Variants in IMPDH1 observed in about 807,000 individuals in gnomAD.
IMPDH1 encodes the protein inosine monophosphate dehydrogenase 1, also known as inosine-5'-monophosphate dehydrogenase 1.
In IMPDH1, 41 loss-of-function variants were observed where a neutral mutation model predicts 73.5. The observed-to-expected ratio is 0.56, with a 90% CI of 0.43 to 0.72. The LOEUF is 0.72. IMPDH1 is among the 30% of genes least tolerant of loss of function. IMPDH1 has a pLI of 0.00. For synonymous variants in IMPDH1, 318 were observed against 334.3 expected, an observed-to-expected ratio of 0.95 and a Z score of 0.53; for missense variants, 645 against 824.8, an observed-to-expected ratio of 0.78 and a Z score of 2.67.
Position 128,394,800 on chromosome 7 carries a change from C to G in IMPDH1, c.1550+89G>C. ...AGTTTCCAGAACCACCATATGGGGACTGGCTGCCATCTGGGGAAGTCGGTG... is the reference window on the plus strand; with the variant it reads ...AGTTTCCAGAACCACCATATGGGGAGTGGCTGCCATCTGGGGAAGTCGGTG... On this transcript the variant is annotated intron_variant, in intron 14 of 16. Coordinates refer to ENST00000338791, the MANE Select transcript of IMPDH1 (RefSeq NM_000883.4). This position sits in a 1 kb window ranked among gnomAD's most constrained non-coding sequence, Gnocchi z 5.5. 6.5e-7 allele frequency: 1 copy of G among 1,529,732 alleles called. No homozygotes were observed. The highest frequency in any genetic ancestry group is 9.0e-7 in the Non-Finnish European group (1 of 1,111,764). 94.8% of individuals were successfully genotyped at this position (1,529,732 alleles called of 1,614,324 possible). A position where few individuals can be genotyped will look rare whatever the true frequency, so the allele number is the denominator to read the frequency against.
intron 12 of IMPDH1, among the ~76,000 whole-genome samples, chr7:128,395,931 CT>C (rs1479174483): frequency 6.6e-6 from 1 of 152,214 alleles, no homozygotes; most frequent in Non-Finnish European, 1.5e-5. Context: ...AGCAGAGGCT[CT>C]GAGGACCAAA....
In IMPDH1 at chr7:128,405,762, C is replaced by T; in HGVS notation, c.353+5G>A. 2 of 1,536,102 alleles carry T rather than the reference C, an allele frequency of 1.3e-6. No individual in the cohort carries two copies. Among genetic ancestry groups the T allele is most frequent in the Non-Finnish European group, 1.8e-6 (2 of 1,142,114 alleles). On this transcript the variant is annotated splice_donor_5th_base_variant and intron_variant, in intron 4 of 16. Transcript: ENST00000338791. ...GCACCTAGGGGTACGAGACCCGGCG[C>T]TTACTTGTAGGTGAGGCCGTCGGCG...
intron 16 of IMPDH1, chr7:128,393,591 G>A (rs898511400): frequency 1.0e-5 from 2 of 195,628 alleles, no homozygotes; most frequent in Admixed American, 1.1e-4. Flanking sequence ...CAAACCCAGG[G>A]TCCACATCTC....
At position 128,406,436 on chromosome 7, in the gene IMPDH1, C is replaced by T. The variant is rs1471769913; in HGVS notation, c.255-571G>A. Among the ~76,000 whole-genome samples the T allele has an allele frequency of 2.6e-5, 4 of 151,690 alleles. No homozygotes were observed. The South Asian group carries it at 8.3e-4, about 32-fold the overall frequency. ...CTCTTCCGCGGACCCTGATCAAGGC[C>T]CGGAGCCCTGAGAAACCGGTCTGGG... On this transcript the variant is annotated intron_variant, in intron 3 of 16. Transcript: ENST00000338791.
Position 128,394,164 on chromosome 7 carries a change from C to T in IMPDH1, c.1778+114G>A, listed in dbSNP as rs1343145454. On this transcript the variant is annotated intron_variant, in intron 16 of 16. Coordinates refer to ENST00000338791, the MANE Select transcript of IMPDH1 (RefSeq NM_000883.4). This position sits in a 1 kb window ranked among gnomAD's most constrained non-coding sequence, Gnocchi z 5.5. The stretch of plus-strand genomic sequence containing the variant: ...GGGGCCATCCTGCAGCAGCATCTGT[C>T]CCTGCTGCAGGTGGTCCATGGGGTC... 1 of 821,880 alleles carries T rather than the reference C, an allele frequency of 1.2e-6. No individual in the cohort carries two copies. Among genetic ancestry groups the T allele is most frequent in the African/African-American group, 1.7e-5 (1 of 59,582 alleles). 50.9% of individuals were successfully genotyped at this position (821,880 alleles called of 1,614,324 possible).
intron 16 of IMPDH1, among the ~76,000 whole-genome samples, chr7:128,393,381 G>A (rs1016975122): frequency 2.0e-5 from 3 of 152,204 alleles, no homozygotes; most frequent in Non-Finnish European, 4.4e-5. Flanking sequence ...TGCTGCCCAT[G>A]TCCGCACCCA....
chr7:128,406,267 C>A (rs1584753794), intron 3 of IMPDH1, among the ~76,000 whole-genome samples: 1 of 446 alleles, frequency 2.2e-3, no homozygotes, highest in Non-Finnish European at 6.3e-3. Flanking sequence ...CCACCCAGGA[C>A]CCCCCAGCAG....
rs772658713 is a variant in IMPDH1 at position 128,403,784 on chromosome 7, G to A, written c.354-30C>T. ...GAAGACAGAGAAGTGAGTGTTATTA[G>A]TGGGGAGGGGTGCCCCAAAGGGGCA... On this transcript the variant is annotated intron_variant, in intron 4 of 16. Transcript: ENST00000338791. 6 of 1,604,984 alleles carry A rather than the reference G, an allele frequency of 3.7e-6. No individual in the cohort carries two copies. The South Asian group carries it at 6.6e-5, about 18-fold the overall frequency.
Position 128,401,097 on chromosome 7 carries a change from GT to G in IMPDH1, c.421del (p.Thr141ProfsTer6). 1 of 1,613,800 alleles carries G rather than the reference GT, an allele frequency of 6.2e-7. No individual in the cohort carries two copies. The highest frequency in any genetic ancestry group is 8.5e-7 in the Non-Finnish European group (1 of 1,179,970). ...TGGCGTCTTCAGCGTGATCTTCCGG[GT>G]CAGGGCTGAGGTCAGGTCCTGAGGA... Reference protein sequence around the residue: ...ADEVDLTSALTRKITLKTPLI... With the variant: ...ADEVDLTSALXRKITLKTPLI... On this transcript the variant is annotated frameshift_variant, in exon 6 of 17. Coordinates refer to ENST00000338791, the MANE Select transcript of IMPDH1 (RefSeq NM_000883.4). LOFTEE classifies it high-confidence loss of function.
In IMPDH1 at chr7:128,396,167, C is replaced by G. The variant is rs573739446; in HGVS notation, c.1261+433G>C. On this transcript the variant is annotated intron_variant, in intron 12 of 16. Transcript: ENST00000338791. This position sits in a 1 kb window ranked among gnomAD's most constrained non-coding sequence, Gnocchi z 4.0. Reference sequence around the variant, plus strand: ...CCCTTCCCACTTCATGTTCAGGAACCCACCCTGCAAAAGGGCTTTGTAATT... The same window carrying G: ...CCCTTCCCACTTCATGTTCAGGAACGCACCCTGCAAAAGGGCTTTGTAATT... 6.6e-6 allele frequency among the ~76,000 whole-genome samples: 1 copy of G among 152,304 alleles called. No homozygotes were observed. Among genetic ancestry groups the G allele is most frequent in the East Asian group, 1.9e-4 (1 of 5,182 alleles).
chr7:128,400,482 C>G lies in IMPDH1; in HGVS notation c.637G>C (p.Gly213Arg). Residue 213 changes from glycine to arginine, a missense_variant, in exon 8 of 17, where the codon GGC becomes CGC. By Grantham distance (125) the Gly-to-Arg change is moderately radical (BLOSUM62 -2). This residue lies in a region of IMPDH1 where 459 missense variants were observed against 638.2 expected (regional missense o/e 0.72). Coordinates refer to ENST00000338791, the MANE Select transcript of IMPDH1 (RefSeq NM_000883.4). ...PVVLSPSHTV[G>R]DVLEAKMRHG... Reference sequence around the variant, plus strand: ...CGCATCTTGGCCTCCAGCACATCGCCCACAGTGTGCGAGGGGCTCAGCACC... The same window carrying G: ...CGCATCTTGGCCTCCAGCACATCGCGCACAGTGTGCGAGGGGCTCAGCACC... The G allele has an allele frequency of 6.2e-7, 1 of 1,612,698 alleles. No homozygotes were observed. Among genetic ancestry groups the G allele is most frequent in the South Asian group, 1.1e-5 (1 of 91,018 alleles).
At chr7:128,409,137 G>A (rs1798966950) in intron 3 of IMPDH1, 152 bp downstream of exon 3, 2 of 736,646 alleles carry the variant, frequency 2.7e-6, no homozygotes, top group African/African-American at 1.7e-5. Flanking sequence ...TCCCCCTGGG[G>A]CCCAGCTCAC....
At chr7:128,399,453 G>C (rs1227362911) in intron 9 of IMPDH1, among the ~76,000 whole-genome samples, 1 of 151,034 alleles carries the variant, frequency 6.6e-6, no homozygotes, top group Non-Finnish European at 1.5e-5. Flanking sequence ...CAGGAGGGCA[G>C]ATCACTTGAG....
intron 3 of IMPDH1, among the ~76,000 whole-genome samples, chr7:128,406,292 CA>C (rs1798762720): frequency 1.0e-3 from 5 of 5,004 alleles, no homozygotes; most frequent in East Asian, 5.1e-3. Context: ...CCCACCCCCC[CA>C]CACCCCCACA....
rs763971469 is a variant in IMPDH1, at chr7:128,409,368, T to C, written c.191-16A>G. 2.5e-6 allele frequency: 4 copies of C among 1,613,916 alleles called. No individual in the cohort carries two copies. In the East Asian group the frequency reaches 8.9e-5, roughly 36 times the overall value. ...GAAGATAGTTCTAGGAGGAAACAGC[T>C]AAGGAGGGGTAAGCCAAGTCAGTCG... On this transcript the variant is annotated splice_polypyrimidine_tract_variant and intron_variant, in intron 2 of 16. Transcript: ENST00000338791.
In IMPDH1 at chr7:128,398,372, A is replaced by C. The variant is rs761265416; in HGVS notation, c.1074+42T>G. On this transcript the variant is annotated intron_variant, in intron 10 of 16. Transcript: ENST00000338791. This position sits in a 1 kb window ranked among gnomAD's most constrained non-coding sequence, Gnocchi z 4.3. ...TCCTCATAAACCTCCACTCTGCTGA[A>C]CCACTCATCCATCTCCCCCACCACT... is the stretch of plus-strand genomic sequence containing the variant. The C allele has an allele frequency of 3.2e-6, 5 of 1,546,106 alleles. No homozygotes were observed. In the South Asian group the frequency reaches 5.6e-5, roughly 17 times the overall value.
Position 128,392,967 on chromosome 7 carries a change from G to A in IMPDH1, c.*40C>T. 2.5e-6 allele frequency: 4 copies of A among 1,608,238 alleles called. No homozygotes were observed. The highest frequency in any genetic ancestry group is 1.1e-5 in the South Asian group (1 of 90,966). Reference sequence around the variant, plus strand: ...AGGCTGTGCCCAAAAGTGGACACTGGGGTGCATCCCCTCCACCACCTCGGC... The same window carrying A: ...AGGCTGTGCCCAAAAGTGGACACTGAGGTGCATCCCCTCCACCACCTCGGC... On this transcript the variant is annotated 3_prime_UTR_variant, in exon 17 of 17. Transcript: ENST00000338791.
At chr7:128,403,558 CAAAAAAAA>C in intron 5 of IMPDH1, 140 bp downstream of exon 5, 1 of 469,664 alleles carries the variant, frequency 2.1e-6, no homozygotes, top group South Asian at 2.1e-5. Flanking sequence ...ACTCTGTCTC[CAAAAAAAA>C]AAAAAAAAAG....
At chr7:128,406,202 G>C (rs571143742) in intron 3 of IMPDH1, among the ~76,000 whole-genome samples, 18,371 of 148,226 alleles carry the variant, frequency 0.12, 1,213 homozygotes, top group Middle Eastern at 0.15. Flanking sequence ...GTGGGGCTGC[G>C]GGGGAGAGTA....
Sources: allele counts gnomAD v4.1 joint callset (sites outside exome capture counted in the v4.1 genomes callset), GRCh38; gene constraint gnomAD v4.1.1; regional missense constraint gnomAD v4.1.1; non-coding constraint Gnocchi (gnomAD v3.1); transcripts MANE v1.5; gene names NCBI Gene and HGNC (gene_info 2026-07-23, HGNC 2026-07-21).